The following C1orf174 variants were observed in gnomAD, a reference collection of about 807,000 sequenced individuals.
C1orf174 encodes the protein UPF0688 protein C1orf174.
C1orf174 carries 13 observed loss-of-function variants against 18.4 expected under a neutral mutation model. The ratio of observed to expected loss-of-function variants is 0.71; its 90% confidence interval spans 0.46 to 1.12. The LOEUF (loss-of-function observed/expected upper bound fraction) is 1.12, where lower values mean the gene tolerates loss of function less well. C1orf174 is among the 50% of genes most tolerant of loss of function. C1orf174 has a pLI of 0.00. For synonymous variants in C1orf174, 100 were observed against 118.3 expected (o/e 0.85, Z 1.01); for missense variants, 309 against 308.0 (o/e 1.00, Z -0.02).
chr1:3,894,606 CAAAA>C (rs56302416), intron 1 of C1orf174, among the ~76,000 whole-genome samples: 1 of 112,342 alleles, frequency 8.9e-6, no homozygotes, highest in Non-Finnish European at 1.8e-5. Context: ...GACTCCGTCT[CAAAA>C]AAAAAAAAAA....
At chr1:3,890,430 C>T in intron 3 of C1orf174, 139 bp downstream of exon 3, 1 of 1,240,268 alleles carries the variant, frequency 8.1e-7, no homozygotes. Context: ...GTTTCATTTT[C>T]TCCTCGTGGG....
chr1:3,893,147 G>C, intron 1 of C1orf174, 151 bp from the exon 2 acceptor site: 1 of 820,256 alleles, frequency 1.2e-6, no homozygotes, highest in Non-Finnish European at 1.9e-6. Context: ...GCCCGAATGT[G>C]TAAATCCAAA....
chr1:3,897,045 C>T (rs1638618629), intron 1 of C1orf174, among the ~76,000 whole-genome samples: 1 of 152,180 alleles, frequency 6.6e-6, no homozygotes, highest in African/African-American at 2.4e-5. Context: ...TGACAAGCCC[C>T]AGGGTTGGGG....
rs1557742693 is a variant in C1orf174 at position 3,900,170 on chromosome 1, A to C, written c.15+2T>G. On this transcript the variant is annotated splice_donor_variant, in intron 1 of 3. Transcript: ENST00000361605. LOFTEE classifies it high-confidence loss of function. ...CAGCTGCTGCCGGGACCCAGCCCTC[A>C]CCTTCCGGCTCCTCATGAGTGTGAG... 2.5e-6 allele frequency: 4 copies of C among 1,585,366 alleles called. No homozygotes were observed. Among genetic ancestry groups the C allele is most frequent in the Non-Finnish European group, 3.4e-6 (4 of 1,174,424 alleles).
In C1orf174 at chr1:3,900,138, CCCGG is replaced by C. The variant is rs760470141; in HGVS notation, c.15+30_15+33del. The C allele has an allele frequency of 4.5e-6, 7 of 1,571,278 alleles. No homozygotes were observed. The South Asian group carries it at 5.7e-5, about 13-fold the overall frequency. ...CAGGTGACCCAGAGTCCCCGCCCTG[CCCGG>C]CGCAGCTGCTGCCGGGACCCAGCCC... On this transcript the variant is annotated intron_variant, in intron 1 of 3. Transcript: ENST00000361605.
chr1:3,897,743 AAGCTCCGCCCCCC>A (rs1638632445), intron 1 of C1orf174, among the ~76,000 whole-genome samples: 1 of 152,090 alleles, frequency 6.6e-6, no homozygotes, highest in Admixed American at 6.6e-5. Context: ...GGCTCACTGC[AAGCTCCGCCCCCC>A]AGGTTCATGC....
intron 2 of C1orf174, chr1:3,891,361 A>G (rs1031783761): frequency 3.7e-5 from 11 of 299,648 alleles, no homozygotes; most frequent in African/African-American, 2.4e-4. Context: ...TCTGAAGCAT[A>G]TATTTATATA....
chr1:3,900,093 C>T, intron 1 of C1orf174, 79 bp downstream of exon 1: 4 of 1,505,238 alleles, frequency 2.7e-6, no homozygotes, highest in Non-Finnish European at 3.5e-6. Context: ...CCCGTGACCC[C>T]GCCCCGGTTC....
intron 1 of C1orf174, among the ~76,000 whole-genome samples, chr1:3,896,454 G>A (rs1638607459): frequency 6.6e-6 from 1 of 152,238 alleles, no homozygotes; most frequent in Non-Finnish European, 1.5e-5. Context: ...GCCCATTACT[G>A]TCCTCAGCTG....
chr1:3,897,538 T>G (rs1189810184), intron 1 of C1orf174, among the ~76,000 whole-genome samples: 2 of 149,494 alleles, frequency 1.3e-5, no homozygotes, highest in East Asian at 3.9e-4. Flanking sequence ...TGGACATCAT[T>G]AAGTGCACTA....
Position 3,890,952 on chromosome 1 carries a change from CA to C in C1orf174, c.234del (p.Asn78LysfsTer9), listed in dbSNP as rs757754224. 1 of 1,614,138 alleles carries C rather than the reference CA, an allele frequency of 6.2e-7. No homozygotes were observed. Among genetic ancestry groups the C allele is most frequent in the South Asian group, 1.1e-5 (1 of 91,052 alleles). On this transcript the variant is annotated frameshift_variant, in exon 3 of 4. Coordinates refer to ENST00000361605, the MANE Select transcript of C1orf174 (RefSeq NM_207356.3). LOFTEE classifies it high-confidence loss of function. ...KSELQKLVPK[N>X]DSASLPKVTP... ...GTCACTTTTGGCAAAGAAGCGCTGT[CA>C]TTCTTAGGGACAAGCTTCTGTAATT...
intron 1 of C1orf174, among the ~76,000 whole-genome samples, chr1:3,898,452 G>A (rs530954154): frequency 2.0e-5 from 3 of 151,590 alleles, no homozygotes; most frequent in South Asian, 4.2e-4. Flanking sequence ...AGGTTGCAGT[G>A]GGCCGAGATC....
intron 1 of C1orf174, among the ~76,000 whole-genome samples, chr1:3,899,936 C>T (rs924746018): frequency 1.3e-5 from 2 of 152,106 alleles, no homozygotes; most frequent in African/African-American, 4.8e-5. Context: ...CCTGTGAGCT[C>T]CACTTCTTCC....
chr1:3,898,246 T>C (rs1225280945), intron 1 of C1orf174, among the ~76,000 whole-genome samples: 1 of 151,906 alleles, frequency 6.6e-6, no homozygotes, highest in Non-Finnish European at 1.5e-5. Context: ...GCATGGTGGC[T>C]CATGCCTGTA....
chr1:3,896,582 A>C (rs960211753), intron 1 of C1orf174, among the ~76,000 whole-genome samples: 2 of 152,240 alleles, frequency 1.3e-5, no homozygotes, highest in Non-Finnish European at 2.9e-5. Context: ...GTTCCGGCCT[A>C]AGGGAGCTGT....
intron 3 of C1orf174, among the ~76,000 whole-genome samples, chr1:3,890,367 G>A (rs1249588501): frequency 2.0e-5 from 3 of 152,192 alleles, no homozygotes; most frequent in Non-Finnish European, 4.4e-5. Context: ...CCTTTCCCGA[G>A]AGCAGTGATT....
Position 3,892,906 on chromosome 1 carries a change from T to G in C1orf174, c.106A>C (p.Thr36Pro). Residue 36 changes from threonine (T) to proline (P), a missense_variant, in exon 2 of 4, where the codon ACG becomes CCG. Thr to Pro is a conservative substitution (Grantham distance 38). Coordinates refer to ENST00000361605, the MANE Select transcript of C1orf174 (RefSeq NM_207356.3). ...LASAQEVAGSTSAKTACLTSS... is the reference protein window; with the variant it reads ...LASAQEVAGSPSAKTACLTSS... ...ACCAGACATGCTGTCTTGGCAGACGTGGAACCAGCAACTTCCTGGGCAGAG... is the reference window on the plus strand; with the variant it reads ...ACCAGACATGCTGTCTTGGCAGACGGGGAACCAGCAACTTCCTGGGCAGAG... The G allele has an allele frequency of 6.2e-7, 1 of 1,614,186 alleles. No individual in the cohort carries two copies. The highest frequency in any genetic ancestry group is 1.1e-5 in the South Asian group (1 of 91,080).
chr1:3,899,852 C>G (rs1291142185), intron 1 of C1orf174, among the ~76,000 whole-genome samples: 1 of 151,778 alleles, frequency 6.6e-6, no homozygotes, highest in Non-Finnish European at 1.5e-5. Flanking sequence ...CTCCCCTTCT[C>G]TCGGGGGTGT....
rs887872931 is a variant in C1orf174, at chr1:3,889,820, A to G, written c.*140T>C. The G allele has an allele frequency of 2.6e-6, 2 of 778,750 alleles. No homozygotes were observed. The highest frequency in any genetic ancestry group is 1.6e-5 in the South Asian group (1 of 63,592). 48.2% of individuals were successfully genotyped at this position (778,750 alleles called of 1,614,324 possible). Reference sequence around the variant, plus strand: ...CCTCCACAGGTATTGGGTGCTTTGCACTATTGACTTAGATGGGTCAGTTCT... The same window carrying G: ...CCTCCACAGGTATTGGGTGCTTTGCGCTATTGACTTAGATGGGTCAGTTCT... On this transcript the variant is annotated 3_prime_UTR_variant, in exon 4 of 4. Coordinates refer to ENST00000361605, the MANE Select transcript of C1orf174 (RefSeq NM_207356.3).
Sources: gnomAD v4.1 joint callset for allele counts (sites outside exome capture counted in the v4.1 genomes callset) on GRCh38, gnomAD v4.1.1 for gene constraint, MANE v1.5 for transcripts, NCBI Gene and HGNC (gene_info 2026-07-23, HGNC 2026-07-21) for gene names.